The following IL18 variants were observed in gnomAD, a reference collection of about 807,000 sequenced individuals.
IL18 encodes the protein interleukin 18.
Under a neutral mutation model 14.2 loss-of-function variants are expected in IL18, and 8 were observed. The observed-to-expected ratio is 0.56, with a 90% CI of 0.33 to 1.01. The LOEUF (loss-of-function observed/expected upper bound fraction) is 1.01. Among genes scored for constraint, IL18 ranks in the 50% least tolerant of loss-of-function variants. The pLI is 0.03. For missense variants in IL18, 166 were observed against 231.1 expected, an observed-to-expected ratio of 0.72 and a Z score of 1.83; for synonymous variants, 67 against 71.0, an observed-to-expected ratio of 0.94 and a Z score of 0.28.
At chr11:112,163,726 C>G (rs371801111) in intron 1 of IL18, among the ~76,000 whole-genome samples, 180 bp downstream of exon 1, 2 of 152,132 alleles carry the variant, frequency 1.3e-5, no homozygotes, top group South Asian at 4.1e-4. Context: ...AAGTGATACT[C>G]TCCCATATCT....
intron 1 of IL18, among the ~76,000 whole-genome samples, chr11:112,159,665 G>A (rs1866596644): frequency 6.6e-6 from 1 of 152,338 alleles, no homozygotes; most frequent in Admixed American, 6.5e-5. Context: ...ATGTGTCACA[G>A]AAGTCAAAAG....
chr11:112,159,543 T>A (rs1014261311), intron 1 of IL18, among the ~76,000 whole-genome samples: 3 of 152,220 alleles, frequency 2.0e-5, no homozygotes, highest in Admixed American at 6.5e-5. Context: ...TGAGGATGAC[T>A]TCGTAGTTTT....
In IL18 at chr11:112,143,828, A is replaced by G; in HGVS notation, c.361-11T>C. ...AGGAGGATTCATTTCCTATAGAGAA[A>G]AAAACATTACCTAATTATTTCAGGA... On this transcript the variant is annotated splice_polypyrimidine_tract_variant and intron_variant, in intron 5 of 5. Coordinates refer to ENST00000280357, the MANE Select transcript of IL18 (RefSeq NM_001562.4). The G allele has an allele frequency of 2.0e-6, 3 of 1,481,908 alleles. No homozygotes were observed. The highest frequency in any genetic ancestry group is 1.8e-5 in the Admixed American group (1 of 55,212). The allele number at this position is 1,481,908 out of a possible 1,614,324, so 91.8% of individuals were successfully genotyped here.
Position 112,143,625 on chromosome 11 carries a change from T to C in IL18, c.553A>G (p.Ile185Val), listed in dbSNP as rs199758158. The C allele has an allele frequency of 1.9e-6, 3 of 1,612,012 alleles. No individual in the cohort carries two copies. Among genetic ancestry groups the C allele is most frequent in the Admixed American group, 1.7e-5 (1 of 59,824 alleles). The change falls in exon 6 of 6, where the codon ATA becomes GTA. Residue 185 changes from isoleucine to valine, a missense_variant. Physicochemically the swap from Ile to Val is conservative, Grantham distance 29. Coordinates refer to ENST00000280357, the MANE Select transcript of IL18 (RefSeq NM_001562.4). ...KKEDELGDRS[I>V]MFTVQNED ...TCTTCGTTTTGAACAGTGAACATTA[T>C]AGATCTATCCCCCAATTCATCCTCT...
At chr11:112,143,995 T>C (rs1254730957) in intron 5 of IL18, among the ~76,000 whole-genome samples, 178 bp from the exon 6 acceptor site, 2 of 152,218 alleles carry the variant, frequency 1.3e-5, no homozygotes, top group African/African-American at 4.8e-5. Flanking sequence ...CCGAATCTCC[T>C]ATTCTCCCTG....
chr11:112,158,816 T>G (rs1359564865), intron 1 of IL18, among the ~76,000 whole-genome samples: 1 of 152,196 alleles, frequency 6.6e-6, no homozygotes, highest in Non-Finnish European at 1.5e-5. Flanking sequence ...TTAACATTAT[T>G]TCCATTTTGC....
intron 1 of IL18, among the ~76,000 whole-genome samples, chr11:112,163,298 T>G (rs778129283): frequency 6.6e-6 from 1 of 152,226 alleles, no homozygotes. Flanking sequence ...TTGCTTTTAA[T>G]GTAACTGATT....
At chr11:112,160,590 CT>C (rs1387057220) in intron 1 of IL18, among the ~76,000 whole-genome samples, 1 of 152,126 alleles carries the variant, frequency 6.6e-6, no homozygotes, top group Non-Finnish European at 1.5e-5. Flanking sequence ...CTGGAAAGAG[CT>C]TACCACACAG....
chr11:112,149,270 T>G (rs1866394555), intron 4 of IL18, among the ~76,000 whole-genome samples: 2 of 151,998 alleles, frequency 1.3e-5, no homozygotes, highest in African/African-American at 4.8e-5. Context: ...GCACTGCACT[T>G]CAGCCTGGGT....
At chr11:112,145,284 C>G (rs924628417) in intron 5 of IL18, among the ~76,000 whole-genome samples, 1 of 152,150 alleles carries the variant, frequency 6.6e-6, no homozygotes, top group African/African-American at 2.4e-5. Flanking sequence ...CTATTGGCAC[C>G]CACTTCTGCA....
chr11:112,148,139 G>A (rs1866373645), intron 5 of IL18, among the ~76,000 whole-genome samples: 1 of 152,120 alleles, frequency 6.6e-6, no homozygotes, highest in Non-Finnish European at 1.5e-5. Context: ...TTAGGCTAAG[G>A]ATCAGCAACA....
chr11:112,147,632 G>T (rs757589087), intron 5 of IL18, among the ~76,000 whole-genome samples: 2 of 152,202 alleles, frequency 1.3e-5, no homozygotes, highest in Non-Finnish European at 1.5e-5. Flanking sequence ...AGATAGCTGA[G>T]GGATTTGTCT....
At chr11:112,146,033 C>CTTT (rs10708869) in intron 5 of IL18, among the ~76,000 whole-genome samples, 5 of 131,120 alleles carry the variant, frequency 3.8e-5, no homozygotes, top group East Asian at 2.3e-4. Context: ...GGATTTCTTT[C>CTTT]TTTTTTTTTT....
At chr11:112,148,497 G>T (rs1239606247) in intron 5 of IL18, 106 bp downstream of exon 5, 2 of 545,926 alleles carry the variant, frequency 3.7e-6, no homozygotes, top group East Asian at 4.1e-5. Flanking sequence ...GAGGATATTT[G>T]AGTTTTCTAA....
At chr11:112,156,430 G>A (rs1866532831) in intron 1 of IL18, among the ~76,000 whole-genome samples, 1 of 151,906 alleles carries the variant, frequency 6.6e-6, no homozygotes, top group Admixed American at 6.6e-5. Flanking sequence ...ATCTTATTTA[G>A]ATAACATTTT....
intron 1 of IL18, among the ~76,000 whole-genome samples, chr11:112,158,521 G>GCTTTTTTTTTTTT: frequency 9.5e-6 from 1 of 104,984 alleles, no homozygotes; most frequent in East Asian, 2.6e-4. Context: ...TTTATTTGGA[G>GCTTTTTTTTTTTT]TTTTTTTTTT....
chr11:112,158,236 G>A (rs945717893), intron 1 of IL18, among the ~76,000 whole-genome samples: 1 of 152,186 alleles, frequency 6.6e-6, no homozygotes, highest in Non-Finnish European at 1.5e-5. Flanking sequence ...TGATCTGCCC[G>A]CCTTGGCCTC....
At chr11:112,149,935 T>C (rs1866409868) in intron 4 of IL18, 137 bp downstream of exon 4, 5 of 837,120 alleles carry the variant, frequency 6.0e-6, no homozygotes, top group Non-Finnish European at 9.3e-6. Context: ...CCTTATAAAG[T>C]TTCCTGTAAG....
chr11:112,151,805 T>C (rs1385476164), intron 3 of IL18, among the ~76,000 whole-genome samples: 3 of 152,200 alleles, frequency 2.0e-5, no homozygotes. Flanking sequence ...AATCTTGAAA[T>C]GCTCTCCTGG....
Sources: allele counts gnomAD v4.1 joint callset (sites outside exome capture counted in the v4.1 genomes callset), GRCh38; gene constraint gnomAD v4.1.1; transcripts MANE v1.5; gene names NCBI Gene and HGNC (gene_info 2026-07-23, HGNC 2026-07-21).